MMRN1: variants seen among roughly 807,000 people sequenced by gnomAD.
MMRN1 encodes multimerin 1, also known as multimerin-1.
In MMRN1, 94 loss-of-function variants were observed where a neutral mutation model predicts 100.7. That is an observed-to-expected ratio of 0.93 (90% CI 0.79 to 1.11). The LOEUF (loss-of-function observed/expected upper bound fraction) is 1.11, where lower values mean the gene tolerates loss of function less well. Ranked by LOEUF, MMRN1 falls within the 50% of genes least tolerant of loss-of-function variation. The probability of loss-of-function intolerance (pLI) is 0.00; values close to 1 mark genes in which losing one functional copy is unlikely to be tolerated. For missense variants in MMRN1, 1,606 were observed against 1,439.1 expected (o/e 1.12, Z -1.88); for synonymous variants, 575 against 505.0 (o/e 1.14, Z -1.86).
chr4:89,883,330 G>T (rs6532199), intron 1 of MMRN1, among the ~76,000 whole-genome samples: 16,606 of 152,024 alleles, frequency 0.11, 1,689 homozygotes, highest in East Asian at 0.32. Context: ...CTCCAAAGTG[G>T]TGGTACCATT....
intron 6 of MMRN1, among the ~76,000 whole-genome samples, chr4:89,948,208 T>C (rs1723048531): frequency 1.3e-5 from 2 of 152,170 alleles, no homozygotes; most frequent in Admixed American, 1.3e-4. Flanking sequence ...AGTTGGAAAA[T>C]CAGTGCCATT....
chr4:89,886,035 A>G (rs1410440827), intron 1 of MMRN1, among the ~76,000 whole-genome samples: 2 of 145,846 alleles, frequency 1.4e-5, no homozygotes, highest in African/African-American at 2.5e-5. Flanking sequence ...ATTAGCAACT[A>G]TGCCTGGCTA....
chr4:89,924,803 C>T (rs767694895), intron 4 of MMRN1, among the ~76,000 whole-genome samples: 11 of 152,090 alleles, frequency 7.2e-5, no homozygotes, highest in South Asian at 6.2e-4. Context: ...AAGATCATGC[C>T]GCTGCACTGC....
chr4:89,942,350 A>G lies in MMRN1; in HGVS notation c.3118+5552A>G, dbSNP rs563161184. ...TATTATGAATTTAAAATTGTACTCA[A>G]TAGTATTATTTTGTAACTTATTGAT... is the stretch of plus-strand genomic sequence containing the variant. On this transcript the variant is annotated intron_variant, in intron 6 of 7. Coordinates refer to ENST00000264790, the MANE Select transcript of MMRN1 (RefSeq NM_007351.3). Among the ~76,000 whole-genome samples, 21 of 152,302 alleles carry G rather than the reference A, an allele frequency of 1.4e-4. No homozygotes were observed. In the East Asian group the frequency reaches 3.3e-3, roughly 24 times the overall value.
chr4:89,885,394 A>AT (rs773736177), intron 1 of MMRN1, among the ~76,000 whole-genome samples: 93 of 151,916 alleles, frequency 6.1e-4, no homozygotes, highest in Non-Finnish European at 1.3e-3. Context: ...TTTTCTTGAA[A>AT]TTTTTTTTGT....
chr4:89,914,251 C>G (rs542181862), intron 3 of MMRN1, among the ~76,000 whole-genome samples: 11 of 151,542 alleles, frequency 7.3e-5, no homozygotes, highest in Admixed American at 5.9e-4. Flanking sequence ...TCTTCTCCCC[C>G]ACTTTTGTAC....
chr4:89,902,277 G>A (rs1004639382), intron 1 of MMRN1, among the ~76,000 whole-genome samples: 17 of 151,296 alleles, frequency 1.1e-4, no homozygotes, highest in African/African-American at 3.6e-4. Flanking sequence ...GTATACATAT[G>A]TAACTAACCT....
intron 5 of MMRN1, among the ~76,000 whole-genome samples, chr4:89,928,408 G>T (rs185123137): frequency 6.5e-4 from 99 of 152,134 alleles, no homozygotes; most frequent in Admixed American, 5.2e-3. Flanking sequence ...CTAGGTTATG[G>T]TGTAAAATCT....
Position 89,911,927 on chromosome 4 carries a change from A to G in MMRN1, c.744-17A>G, listed in dbSNP as rs368970185. The G allele has an allele frequency of 2.4e-5, 36 of 1,490,408 alleles. No individual in the cohort carries two copies. In the Middle Eastern group the frequency reaches 6.9e-4, roughly 29 times the overall value. 92.3% of individuals were successfully genotyped at this position (1,490,408 alleles called of 1,614,324 possible). A position where few individuals can be genotyped will look rare whatever the true frequency, so the allele number is the denominator to read the frequency against. ...GAAACAAATAATCGATTTCCCTCCA[A>G]TTGCTCAACTCTCTAGATCTCAGAA... On this transcript the variant is annotated splice_polypyrimidine_tract_variant and intron_variant, in intron 2 of 7. Coordinates refer to ENST00000264790, the MANE Select transcript of MMRN1 (RefSeq NM_007351.3).
intron 1 of MMRN1, among the ~76,000 whole-genome samples, chr4:89,880,767 A>G (rs1720799180): frequency 6.6e-6 from 1 of 152,098 alleles, no homozygotes; most frequent in Non-Finnish European, 1.5e-5. Context: ...TAATCATGGG[A>G]AGAAGAATAC....
chr4:89,888,947 G>A (rs1218859844), intron 1 of MMRN1, among the ~76,000 whole-genome samples: 1 of 151,852 alleles, frequency 6.6e-6, no homozygotes, highest in Non-Finnish European at 1.5e-5. Context: ...TCTTGACCAT[G>A]AATTACATTT....
At chr4:89,926,249 G>A (rs1488558653) in intron 4 of MMRN1, among the ~76,000 whole-genome samples, 1 of 152,148 alleles carries the variant, frequency 6.6e-6, no homozygotes, top group African/African-American at 2.4e-5. Flanking sequence ...TACCAACAGG[G>A]TATGGGGGGG....
chr4:89,899,144 C>T (rs1318752263), intron 1 of MMRN1, among the ~76,000 whole-genome samples: 1 of 151,584 alleles, frequency 6.6e-6, no homozygotes, highest in African/African-American at 2.4e-5. Context: ...ATGTTTATTA[C>T]AGGTTCTTTT....
intron 3 of MMRN1, among the ~76,000 whole-genome samples, chr4:89,919,511 A>G (rs968482654): frequency 6.6e-6 from 1 of 151,746 alleles, no homozygotes; most frequent in East Asian, 1.9e-4. Context: ...AAAATAATCT[A>G]CCAATATTGA....
At chr4:89,929,042 G>A (rs900224970) in intron 5 of MMRN1, among the ~76,000 whole-genome samples, 6 of 152,074 alleles carry the variant, frequency 3.9e-5, no homozygotes, top group Admixed American at 6.6e-5. Flanking sequence ...CAGGGAAAGC[G>A]TCTAGAAAGA....
upstream of MMRN1, among the ~76,000 whole-genome samples, chr4:89,892,284 C>T (rs1053422855): frequency 6.6e-6 from 1 of 150,788 alleles, no homozygotes; most frequent in Non-Finnish European, 1.5e-5. Flanking sequence ...ATATGAACAA[C>T]CAAGTGGGAA....
chr4:89,907,725 C>T (rs1412168354), intron 1 of MMRN1, among the ~76,000 whole-genome samples: 4 of 151,202 alleles, frequency 2.6e-5, no homozygotes, highest in Non-Finnish European at 5.9e-5. Flanking sequence ...AACATTCAGT[C>T]CATTTTTAAT....
intron 1 of MMRN1, among the ~76,000 whole-genome samples, chr4:89,882,419 T>G (rs533147603): frequency 6.9e-4 from 105 of 151,932 alleles, no homozygotes; most frequent in African/African-American, 2.5e-3. Flanking sequence ...TAAGAGGACA[T>G]GAATGAAGAC....
chr4:89,905,835 A>G (rs990346773), intron 1 of MMRN1, among the ~76,000 whole-genome samples: 1 of 151,534 alleles, frequency 6.6e-6, no homozygotes, highest in Admixed American at 6.6e-5. Flanking sequence ...ACTTCTAATG[A>G]ACATCCTCAG....
Sources: allele counts gnomAD v4.1 joint callset (sites outside exome capture counted in the v4.1 genomes callset), GRCh38; gene constraint gnomAD v4.1.1; transcripts MANE v1.5; gene names NCBI Gene and HGNC (gene_info 2026-07-23, HGNC 2026-07-21).